Variants in AFF3 observed in about 807,000 individuals in gnomAD.
The protein encoded by AFF3 is ALF transcription elongation factor 3, also known as AF4/FMR2 family member 3.
In AFF3, 32 loss-of-function variants were observed where a neutral mutation model predicts 129.7. The ratio of observed to expected loss-of-function variants is 0.25; its 90% CI spans 0.19 to 0.33. The LOEUF is 0.33. Among genes scored for constraint, AFF3 ranks in the 10% least tolerant of loss-of-function variants. AFF3 has a pLI of 1.00. For missense variants in AFF3, 1,373 were observed against 1,592.0 expected, an observed-to-expected ratio of 0.86 and a Z score of 2.34; for synonymous variants, 644 against 635.4, an observed-to-expected ratio of 1.01 and a Z score of -0.20.
chr2:100,121,176 C>A lies in AFF3; in HGVS notation c.-145+8048G>T, dbSNP rs139208139. Among the ~76,000 whole-genome samples, 7 of 152,274 alleles carry A rather than the reference C, an allele frequency of 4.6e-5. No individual in the cohort carries two copies. The East Asian group carries it at 1.4e-3, about 29-fold the overall frequency. On this transcript the variant is annotated intron_variant, in intron 2 of 24. Transcript: ENST00000672756. ...GAGAACTGACAGCCCTGTTTTCCTGCTTGAATGTTGCCTTTTCCAAAACCA... is the reference window on the plus strand; with the variant it reads ...GAGAACTGACAGCCCTGTTTTCCTGATTGAATGTTGCCTTTTCCAAAACCA...
chr2:99,876,967 G>A (rs960132268), intron 7 of AFF3, among the ~76,000 whole-genome samples: 3 of 152,210 alleles, frequency 2.0e-5, no homozygotes, highest in Admixed American at 2.0e-4. Flanking sequence ...TTTTATAGTG[G>A]CAAAAGAGTA....
chr2:99,996,982 C>T (rs1462556788), intron 7 of AFF3, among the ~76,000 whole-genome samples: 1 of 152,074 alleles, frequency 6.6e-6, no homozygotes, highest in Non-Finnish European at 1.5e-5. Flanking sequence ...TTCTTCCTAC[C>T]TACTGATCCC....
chr2:99,627,139 C>T (rs1474441702), intron 13 of AFF3, among the ~76,000 whole-genome samples: 7 of 152,104 alleles, frequency 4.6e-5, no homozygotes, highest in Admixed American at 6.6e-5. Context: ...TTTAGGTCTT[C>T]GAGGAATCAC....
intron 4 of AFF3, among the ~76,000 whole-genome samples, chr2:100,033,055 C>A (rs111339794): frequency 6.6e-6 from 1 of 152,140 alleles, no homozygotes; most frequent in Non-Finnish European, 1.5e-5. Flanking sequence ...TTTCCACATA[C>A]AATTTTGTAC....
At chr2:99,866,427 G>A (rs962237106) in intron 7 of AFF3, among the ~76,000 whole-genome samples, 1 of 152,196 alleles carries the variant, frequency 6.6e-6, no homozygotes, top group Non-Finnish European at 1.5e-5. Context: ...GGTCTGGGAC[G>A]ACGCCTCTGC....
chr2:99,813,732 G>C (rs1686978135), intron 8 of AFF3, among the ~76,000 whole-genome samples: 1 of 152,168 alleles, frequency 6.6e-6, no homozygotes, highest in East Asian at 1.9e-4. Flanking sequence ...CACACAGATG[G>C]AATTTTGGGA....
chr2:99,730,464 A>G (rs1162420052), intron 10 of AFF3, among the ~76,000 whole-genome samples: 1 of 152,114 alleles, frequency 6.6e-6, no homozygotes, highest in East Asian at 1.9e-4. Flanking sequence ...GAAAATCAAA[A>G]TAATCCTGCA....
At chr2:99,645,154 G>C (rs1253353751) in intron 13 of AFF3, among the ~76,000 whole-genome samples, 2 of 152,142 alleles carry the variant, frequency 1.3e-5, no homozygotes, top group African/African-American at 4.8e-5. Flanking sequence ...GGGCAACATG[G>C]TGAAGCCCCC....
intron 1 of AFF3, among the ~76,000 whole-genome samples, chr2:100,139,618 T>G (rs1225858340): frequency 6.6e-6 from 1 of 152,236 alleles, no homozygotes; most frequent in African/African-American, 2.4e-5. Context: ...AAACACCTGC[T>G]TGTATTTTAA....
chr2:100,036,450 T>C (rs1239502083), intron 4 of AFF3, among the ~76,000 whole-genome samples: 3 of 152,100 alleles, frequency 2.0e-5, no homozygotes, highest in Non-Finnish European at 4.4e-5. Context: ...AAAATACATT[T>C]TATTCCTACC....
intron 11 of AFF3, among the ~76,000 whole-genome samples, chr2:99,695,481 T>C (rs1024120348): frequency 1.3e-5 from 2 of 152,172 alleles, no homozygotes; most frequent in Non-Finnish European, 2.9e-5. Context: ...TAGTCGGGTC[T>C]CTTGAAATAG....
chr2:99,722,796 T>G (rs1007210879), intron 11 of AFF3, among the ~76,000 whole-genome samples: 2 of 152,214 alleles, frequency 1.3e-5, no homozygotes, highest in Non-Finnish European at 2.9e-5. Flanking sequence ...TTTCTTTCTG[T>G]GACTTACTCA....
At chr2:100,094,073 T>C (rs571650526) in intron 4 of AFF3, among the ~76,000 whole-genome samples, 3 of 152,320 alleles carry the variant, frequency 2.0e-5, no homozygotes, top group Non-Finnish European at 1.5e-5. Context: ...TAGAGCTGTA[T>C]CCTCCTTTAA....
chr2:99,832,930 C>G (rs542921919), intron 8 of AFF3, among the ~76,000 whole-genome samples: 154 of 152,152 alleles, frequency 1.0e-3, no homozygotes, highest in African/African-American at 3.6e-3. Context: ...AATGAAATAA[C>G]TTATAAAGGA....
chr2:99,600,710 G>A (rs1679747658), intron 14 of AFF3, among the ~76,000 whole-genome samples: 1 of 152,060 alleles, frequency 6.6e-6, no homozygotes, highest in Admixed American at 6.6e-5. Flanking sequence ...CTGCAGCCTG[G>A]GGAAGTTTCT....
intron 7 of AFF3, among the ~76,000 whole-genome samples, chr2:99,879,685 C>T (rs552310372): frequency 7.9e-5 from 12 of 152,184 alleles, no homozygotes; most frequent in Admixed American, 6.5e-4. Flanking sequence ...TCATTTCACA[C>T]GTGGCCAAGT....
At chr2:100,075,754 G>A (rs566298815) in intron 4 of AFF3, among the ~76,000 whole-genome samples, 1 of 152,168 alleles carries the variant, frequency 6.6e-6, no homozygotes, top group African/African-American at 2.4e-5. Flanking sequence ...TTTATCTGAT[G>A]ATGTCTCAAG....
chr2:100,141,594 T>A (rs982117595), intron 1 of AFF3, among the ~76,000 whole-genome samples: 1 of 152,248 alleles, frequency 6.6e-6, no homozygotes, highest in African/African-American at 2.4e-5. Flanking sequence ...GACCTTTAGC[T>A]ACCTGAATGA....
chr2:99,775,866 G>T (rs1362006380), intron 8 of AFF3, among the ~76,000 whole-genome samples: 1 of 152,058 alleles, frequency 6.6e-6, no homozygotes, highest in African/African-American at 2.4e-5. Flanking sequence ...AAAATACCCC[G>T]AAACATGAAT....
Sources: gnomAD v4.1 joint callset for allele counts (sites outside exome capture counted in the v4.1 genomes callset) on GRCh38, gnomAD v4.1.1 for gene constraint, MANE v1.5 for transcripts, NCBI Gene and HGNC (gene_info 2026-07-23, HGNC 2026-07-21) for gene names.